The following IMMP2L variants were observed in gnomAD, a reference collection of about 807,000 sequenced individuals.
IMMP2L encodes mitochondrial inner membrane protease subunit 2.
In IMMP2L, 18 loss-of-function variants were observed where a neutral mutation model predicts 19.3. The observed-to-expected ratio is 0.93, with a 90% CI of 0.64 to 1.38. The LOEUF is 1.38. IMMP2L is among the 40% of genes most tolerant of loss of function. The pLI, the probability that IMMP2L is intolerant of heterozygous loss-of-function variation, is 0.00. For missense variants in IMMP2L, 233 were observed against 218.2 expected, an observed-to-expected ratio of 1.07 and a Z score of -0.43; for synonymous variants, 76 against 73.0, an observed-to-expected ratio of 1.04 and a Z score of -0.21.
Position 111,368,330 on chromosome 7 carries a change from G to T in IMMP2L, c.239+118908C>A, listed in dbSNP as rs1200651420. On this transcript the variant is annotated intron_variant, in intron 3 of 5. Coordinates refer to ENST00000405709, the MANE Select transcript of IMMP2L (RefSeq NM_032549.4). ...CATGTTCTCCATTATGGAAACCAAA[G>T]ATGTCTTTTAAAGGCTACTTCCAGA... 1.3e-5 allele frequency among the ~76,000 whole-genome samples: 2 copies of T among 151,866 alleles called. 1 individual carries two copies. Among genetic ancestry groups the T allele is most frequent in the South Asian group, 4.1e-4 (2 of 4,826 alleles).
intron 4 of IMMP2L, among the ~76,000 whole-genome samples, chr7:110,889,358 C>G (rs1370830895): frequency 6.6e-6 from 1 of 152,022 alleles, no homozygotes; most frequent in East Asian, 1.9e-4. Context: ...TAGATGGTTC[C>G]CTCTGGGGGT....
chr7:111,210,039 C>T (rs1811146588), intron 3 of IMMP2L, among the ~76,000 whole-genome samples: 1 of 152,146 alleles, frequency 6.6e-6, no homozygotes, highest in Non-Finnish European at 1.5e-5. Flanking sequence ...TCTCCGTGTC[C>T]TCTCCTTTTA....
intron 3 of IMMP2L, among the ~76,000 whole-genome samples, chr7:111,178,232 A>T (rs1000304877): frequency 1.3e-5 from 2 of 152,090 alleles, no homozygotes; most frequent in African/African-American, 4.8e-5. Context: ...TTTACACTAT[A>T]CTGTACTTTA....
intron 5 of IMMP2L, among the ~76,000 whole-genome samples, chr7:110,815,454 T>C (rs1802417112): frequency 1.3e-5 from 2 of 152,158 alleles, no homozygotes; most frequent in Non-Finnish European, 2.9e-5. Context: ...CTGCCAGGCA[T>C]TGGTATCAGG....
At chr7:111,380,675 G>A (rs1326406587) in intron 3 of IMMP2L, among the ~76,000 whole-genome samples, 1 of 151,914 alleles carries the variant, frequency 6.6e-6, no homozygotes, top group East Asian at 1.9e-4. Context: ...TCCAGCTATT[G>A]AATATTTTCA....
chr7:111,272,738 T>A (rs144912321), intron 3 of IMMP2L, among the ~76,000 whole-genome samples: 7 of 152,186 alleles, frequency 4.6e-5, no homozygotes, highest in African/African-American at 1.7e-4. Flanking sequence ...ACCTTTTCAA[T>A]TGGGCTCACC....
rs768599585 is a variant in IMMP2L, at chr7:111,538,816, T to TAAAAA, written c.-2-17372_-2-17368dup. 2.3e-3 allele frequency among the ~76,000 whole-genome samples: 193 copies of TAAAAA among 82,404 alleles called. 3 individuals carry two copies. Among genetic ancestry groups the TAAAAA allele is most frequent in the African/African-American group, 9.4e-3 (188 of 19,900 alleles). The allele number at this position is 82,404 out of a possible 152,430, so 54.1% of individuals were successfully genotyped here. On this transcript the variant is annotated intron_variant, in intron 1 of 5. Coordinates refer to ENST00000405709, the MANE Select transcript of IMMP2L (RefSeq NM_032549.4). ...CAGAGCAATGAGACCCTGGCTCATT[T>TAAAAA]AAAAAAAAAAAAAAAAAAAAAAGGC... is the stretch of plus-strand genomic sequence containing the variant.
chr7:111,040,512 T>C (rs1034158594), intron 3 of IMMP2L, among the ~76,000 whole-genome samples: 1 of 151,784 alleles, frequency 6.6e-6, no homozygotes. Flanking sequence ...TTTAATCAAA[T>C]TTATCTAACA....
chr7:111,166,024 C>T (rs934420440), intron 3 of IMMP2L, among the ~76,000 whole-genome samples: 5 of 151,984 alleles, frequency 3.3e-5, no homozygotes, highest in Middle Eastern at 3.4e-3. Flanking sequence ...CATATCATTT[C>T]GAAGAATATT....
At chr7:110,974,397 AG>A (rs1820478388) in intron 3 of IMMP2L, among the ~76,000 whole-genome samples, 1 of 152,162 alleles carries the variant, frequency 6.6e-6, no homozygotes. Flanking sequence ...CCACATGGAT[AG>A]ATATTTTGAT....
rs572516266 is a variant in IMMP2L at position 111,517,131 on chromosome 7, A to C, written c.135+4182T>G. On this transcript the variant is annotated intron_variant, in intron 2 of 5. Transcript: ENST00000405709. Reference sequence around the variant, plus strand: ...TTAAAATTTTTTAAAAAAAACATAGATTGAAAGAGAGCTTGCTTTTTGATG... The same window carrying C: ...TTAAAATTTTTTAAAAAAAACATAGCTTGAAAGAGAGCTTGCTTTTTGATG... Among the ~76,000 whole-genome samples the C allele has an allele frequency of 5.9e-5, 9 of 152,152 alleles. No homozygotes were observed. The South Asian group carries it at 1.9e-3, about 32-fold the overall frequency.
At chr7:111,065,806 T>C (rs7791612) in intron 3 of IMMP2L, among the ~76,000 whole-genome samples, 9,949 of 152,198 alleles carry the variant, frequency 0.065, 401 homozygotes, top group Middle Eastern at 0.17. Context: ...ATACAGCCTA[T>C]TGTGGGACCT....
Position 110,915,720 on chromosome 7 carries a change from A to C in IMMP2L, c.306-29025T>G, listed in dbSNP as rs553626037. 1.1e-4 allele frequency among the ~76,000 whole-genome samples: 16 copies of C among 152,330 alleles called. No homozygotes were observed. In the South Asian group the frequency reaches 3.3e-3, roughly 32 times the overall value. On this transcript the variant is annotated intron_variant, in intron 4 of 5. Coordinates refer to ENST00000405709, the MANE Select transcript of IMMP2L (RefSeq NM_032549.4). ...ATACAACATGTATGTATATCAAATC[A>C]TCACACTGTACACTTTGAATGTACA...
intron 3 of IMMP2L, among the ~76,000 whole-genome samples, chr7:111,242,566 C>T (rs761028390): frequency 1.3e-4 from 20 of 152,058 alleles, no homozygotes; most frequent in Non-Finnish European, 2.2e-4. Flanking sequence ...GAACCACCCA[C>T]GTACTTTTTG....
intron 4 of IMMP2L, among the ~76,000 whole-genome samples, chr7:110,939,455 A>G (rs78195861): frequency 4.3e-4 from 66 of 152,162 alleles, no homozygotes; most frequent in Non-Finnish European, 5.9e-4. Flanking sequence ...TAAAAAAAAA[A>G]GTAATAAGAT....
intron 5 of IMMP2L, among the ~76,000 whole-genome samples, chr7:110,713,210 G>C (rs756656872): frequency 1.2e-4 from 18 of 152,162 alleles, no homozygotes; most frequent in Non-Finnish European, 2.1e-4. Flanking sequence ...TCAAAGATCA[G>C]ATGGCTGTAG....
At chr7:111,277,051 T>C (rs2130488574) in intron 3 of IMMP2L, among the ~76,000 whole-genome samples, 1 of 152,266 alleles carries the variant, frequency 6.6e-6, no homozygotes, top group East Asian at 1.9e-4. Flanking sequence ...GACATTGGCC[T>C]AGGCAAATAC....
chr7:110,794,492 TA>T (rs989566943), intron 5 of IMMP2L, among the ~76,000 whole-genome samples: 2 of 151,996 alleles, frequency 1.3e-5, no homozygotes, highest in African/African-American at 2.4e-5. Context: ...AAAGATTCCT[TA>T]AAAAAATGTA....
intron 3 of IMMP2L, among the ~76,000 whole-genome samples, chr7:111,129,863 A>G (rs2129593249): frequency 6.6e-6 from 1 of 152,316 alleles, no homozygotes; most frequent in African/African-American, 2.4e-5. Flanking sequence ...ACAGTCATAA[A>G]ACATATATCC....
Sources: gnomAD v4.1 joint callset for allele counts (sites outside exome capture counted in the v4.1 genomes callset) on GRCh38, gnomAD v4.1.1 for gene constraint, MANE v1.5 for transcripts, NCBI Gene and HGNC (gene_info 2026-07-23, HGNC 2026-07-21) for gene names.